TRANK1: variants seen among roughly 807,000 people sequenced by gnomAD.
TRANK1 encodes the protein TPR and ankyrin repeat-containing protein 1.
TRANK1 carries 198 observed loss-of-function variants against 266.0 expected under a neutral mutation model. The observed-to-expected ratio is 0.74, with a 90% CI of 0.66 to 0.84. The LOEUF is 0.84. Among genes scored for constraint, TRANK1 ranks in the 40% least tolerant of loss-of-function variants. The probability of loss-of-function intolerance (pLI) is 0.00; values close to 1 mark genes in which losing one functional copy is unlikely to be tolerated. For synonymous variants in TRANK1, 1,396 were observed against 1,384.1 expected (o/e 1.01, Z -0.19); for missense variants, 3,326 against 3,634.6 (o/e 0.92, Z 2.18).
rs932562384 is a variant in TRANK1 at position 36,833,466 on chromosome 3, G to T, written c.6117C>A (p.Ile2039=). ...CCCTGAGCTTCTGAAAGTCTCTCAG[G>T]ATTACCCCTTGCAGGAAGTGGGCCT... ...IAEAHFLQGV[I]LRDFQKLRDA... is the part of the protein sequence containing the mutation. The change falls in exon 22 of 24, where the codon ATC becomes ATA. Residue 2039 remains isoleucine, a synonymous_variant. Transcript: ENST00000645898. 1 of 1,613,776 alleles carries T rather than the reference G, an allele frequency of 6.2e-7. No homozygotes were observed. Among genetic ancestry groups the T allele is most frequent in the Admixed American group, 1.7e-5 (1 of 59,992 alleles).
At chr3:36,902,452 T>C (rs1264638419) in intron 3 of TRANK1, among the ~76,000 whole-genome samples, 1 of 152,234 alleles carries the variant, frequency 6.6e-6, no homozygotes, top group African/African-American at 2.4e-5. Context: ...CTCCCCAGAT[T>C]GAATGCAAAC....
chr3:36,880,846 C>T (rs1367310281), intron 8 of TRANK1: 2 of 150,536 alleles, frequency 1.3e-5, no homozygotes, highest in Admixed American at 6.6e-5. Context: ...CCCATTAACT[C>T]GTCATTTAGC....
chr3:36,916,744 T>C (rs766024923), intron 1 of TRANK1, among the ~76,000 whole-genome samples: 25 of 152,014 alleles, frequency 1.6e-4, no homozygotes, highest in Non-Finnish European at 3.1e-4. Flanking sequence ...AGCCAAATTT[T>C]ACTTTGCATT....
At chr3:36,835,135 C>T (rs1298326757) in intron 20 of TRANK1, among the ~76,000 whole-genome samples, 2 of 151,164 alleles carry the variant, frequency 1.3e-5, no homozygotes, top group Admixed American at 6.6e-5. Flanking sequence ...CCGGCTAAAA[C>T]GGTGAAACCC....
In TRANK1 at chr3:36,827,079, C is replaced by G. The variant is rs1261878900; in HGVS notation, c.*1196G>C. The G allele has an allele frequency of 6.6e-6, 1 of 152,178 alleles. No homozygotes were observed. The highest frequency in any genetic ancestry group is 1.5e-5 in the Non-Finnish European group (1 of 68,060). 9.4% of individuals were successfully genotyped at this position (152,178 alleles called of 1,614,324 possible). A position where few individuals can be genotyped will look rare whatever the true frequency, so the allele number is the denominator to read the frequency against. On this transcript the variant is annotated 3_prime_UTR_variant, in exon 24 of 24. Coordinates refer to ENST00000645898, the MANE Select transcript of TRANK1 (RefSeq NM_001329998.2). The stretch of plus-strand genomic sequence containing the variant: ...GCTGTGAGGACAGAACAATCAAAGA[C>G]CAACGTGCACCTTGCTTTCCATACC...
chr3:36,890,532 G>A (rs537932152), intron 7 of TRANK1, among the ~76,000 whole-genome samples: 1 of 152,320 alleles, frequency 6.6e-6, no homozygotes, highest in South Asian at 2.1e-4. Context: ...GCAACTCTCT[G>A]CCCAAGGGGC....
chr3:36,943,291 T>C (rs990644644), intron 1 of TRANK1, among the ~76,000 whole-genome samples: 2 of 152,136 alleles, frequency 1.3e-5, no homozygotes, highest in African/African-American at 4.8e-5. Flanking sequence ...ATTTTACATG[T>C]GTATGTGTGT....
At chr3:36,830,834 T>C (rs745394910) in intron 22 of TRANK1, 39 bp downstream of exon 22, 1 of 1,534,824 alleles carries the variant, frequency 6.5e-7, no homozygotes, top group Non-Finnish European at 8.8e-7. Context: ...AGAGCCCAGG[T>C]CTCACTCTGC....
intron 15 of TRANK1, chr3:36,850,011 G>A: frequency 2.0e-6 from 2 of 985,370 alleles, no homozygotes; most frequent in Non-Finnish European, 2.4e-6. Context: ...CCAGGATCAA[G>A]GTAAGACACA....
chr3:36,903,128 C>T (rs2079908112), intron 3 of TRANK1, 21 bp downstream of exon 3: 1 of 1,534,988 alleles, frequency 6.5e-7, no homozygotes, highest in African/African-American at 1.4e-5. Flanking sequence ...CTCCCCACAC[C>T]TTCACCCTCC....
At chr3:36,842,840 T>A in intron 17 of TRANK1, 130 bp from the exon 18 acceptor site, 1 of 784,170 alleles carries the variant, frequency 1.3e-6, no homozygotes. Flanking sequence ...TCCCGGTACC[T>A]CAGAATGTGG....
chr3:36,903,954 CTTCTTTTTTATTTAATATCTTTG>C lies in TRANK1; in HGVS notation c.156-702_156-680del, dbSNP rs879513428. Among the ~76,000 whole-genome samples, 692 of 152,260 alleles carry C rather than the reference CTTCTTTTTTATTTAATATCTTTG, an allele frequency of 4.5e-3. 4 individuals are homozygous for C. The highest frequency in any genetic ancestry group is 7.9e-3 in the Non-Finnish European group (535 of 68,012). On this transcript the variant is annotated intron_variant, in intron 2 of 23. Transcript: ENST00000645898. ...CAAATAAAAAAAGCAAGCCTTATGACTTCTTTTTTATTTAATATCTTTGAGACAGAGTCTCACTCTGTCGCCCA... is the reference window on the plus strand; with the variant it reads ...CAAATAAAAAAAGCAAGCCTTATGACAGACAGAGTCTCACTCTGTCGCCCA...
chr3:36,895,798 GA>G, intron 4 of TRANK1, 40 bp from the exon 5 acceptor site: 6 of 1,374,576 alleles, frequency 4.4e-6, no homozygotes, highest in Non-Finnish European at 5.9e-6. Context: ...TTAATGTGGG[GA>G]AAGTCTACAG....
In TRANK1 at chr3:36,857,360, C is replaced by CCAAGG. The variant is rs1265212901; in HGVS notation, c.2361_2362insCCTTG (p.Glu788ProfsTer47). The CCAAGG allele has an allele frequency of 5.6e-6, 9 of 1,606,938 alleles. No homozygotes were observed. Among genetic ancestry groups the CCAAGG allele is most frequent in the Non-Finnish European group, 6.8e-6 (8 of 1,176,714 alleles). On this transcript the variant is annotated frameshift_variant, in exon 13 of 24. Transcript: ENST00000645898. LOFTEE classifies it high-confidence loss of function. The surrounding 1 kb of genome is among the most constrained non-coding windows in gnomAD (Gnocchi z 4.3). Reference sequence around the variant, plus strand: ...CCAAGGCCCACCTGAGCATGTCCTTCCCCCACCTCACTACAGTCAGGGGCC... The same window carrying CCAAGG: ...CCAAGGCCCACCTGAGCATGTCCTTCCAAGGCCCCACCTCACTACAGTCAGGGGCC...
rs1412430290 is a variant in TRANK1, at chr3:36,855,584, G to A, written c.4138C>T (p.Arg1380Trp). Residue 1380 changes from arginine to tryptophan, a missense_variant, in exon 13 of 24, where the codon CGG (arginine) becomes TGG (tryptophan). By Grantham distance (101) the Arg-to-Trp change is moderately radical. Coordinates refer to ENST00000645898, the MANE Select transcript of TRANK1 (RefSeq NM_001329998.2). ...CGGTCTTCCTTGAAATTGGGGCACC[G>A]TTTCCTCCCTAATTTCTTATATACT... ...EEVYKKLGRK[R>W]CPNFKEDRSE... 9 of 1,613,800 alleles carry A rather than the reference G, an allele frequency of 5.6e-6. No individual in the cohort carries two copies. The highest frequency in any genetic ancestry group is 7.6e-6 in the Non-Finnish European group (9 of 1,179,844).
intron 1 of TRANK1, among the ~76,000 whole-genome samples, chr3:36,909,176 G>T (rs748299235): frequency 3.7e-4 from 56 of 152,172 alleles, no homozygotes; most frequent in Admixed American, 2.9e-3. Context: ...TGTCCCCCAA[G>T]GGTATTTGCC....
At chr3:36,879,629 TATATATAAATATACAAATATATATAA>T (rs2079449656) in intron 8 of TRANK1, among the ~76,000 whole-genome samples, 2 of 69,092 alleles carry the variant, frequency 2.9e-5, no homozygotes, top group Non-Finnish European at 2.5e-5. Context: ...TATATATAAA[TATATATAAATATACAAATATATATAA>T]ATATATAAAT....
chr3:36,869,829 A>G (rs982391470), intron 9 of TRANK1, among the ~76,000 whole-genome samples: 1 of 152,282 alleles, frequency 6.6e-6, no homozygotes, highest in Admixed American at 6.5e-5. Flanking sequence ...TCAACTGCTC[A>G]ACAGTCACAT....
intron 1 of TRANK1, among the ~76,000 whole-genome samples, chr3:36,932,690 C>T (rs2125664336): frequency 6.6e-6 from 1 of 152,280 alleles, no homozygotes; most frequent in East Asian, 1.9e-4. Context: ...AGTTGAAGAG[C>T]TTAAGGATGT....
Sources: allele counts gnomAD v4.1 joint callset (sites outside exome capture counted in the v4.1 genomes callset), GRCh38; gene constraint gnomAD v4.1.1; non-coding constraint Gnocchi (gnomAD v3.1); transcripts MANE v1.5; gene names NCBI Gene and HGNC (gene_info 2026-07-23, HGNC 2026-07-21).